The following PARP8 variants were observed in gnomAD, a reference collection of about 807,000 sequenced individuals.
PARP8 encodes protein mono-ADP-ribosyltransferase PARP8.
A neutral mutation model predicts 124.1 loss-of-function variants in PARP8; 51 were observed. The observed-to-expected ratio is 0.41, with a 90% CI of 0.33 to 0.52. The LOEUF (loss-of-function observed/expected upper bound fraction) is 0.52, where lower values mean the gene tolerates loss of function less well. Ranked by LOEUF, PARP8 falls within the 20% of genes least tolerant of loss-of-function variation. The pLI is 0.21. For synonymous variants in PARP8, 391 were observed against 361.5 expected, an observed-to-expected ratio of 1.08 and a Z score of -0.93; for missense variants, 860 against 1,018.9, an observed-to-expected ratio of 0.84 and a Z score of 2.12.
At chr5:50,766,320 A>C (rs529761996) in intron 7 of PARP8, among the ~76,000 whole-genome samples, 2 of 152,320 alleles carry the variant, frequency 1.3e-5, no homozygotes, top group African/African-American at 4.8e-5. Context: ...ATCAGTCTGA[A>C]TAAGTCTCAT....
At chr5:50,829,618 C>T (rs1157099183) in intron 21 of PARP8, among the ~76,000 whole-genome samples, 1 of 152,052 alleles carries the variant, frequency 6.6e-6, no homozygotes, top group African/African-American at 2.4e-5. Context: ...AATTTTAGAT[C>T]CATTAAAATA....
chr5:50,683,894 A>G (rs1579942713), intron 2 of PARP8, among the ~76,000 whole-genome samples: 1 of 152,194 alleles, frequency 6.6e-6, no homozygotes, highest in East Asian at 1.9e-4. Context: ...AGCCTCTAAT[A>G]TTCATATCTT....
intron 2 of PARP8, among the ~76,000 whole-genome samples, chr5:50,716,293 A>T (rs1755309932): frequency 6.6e-6 from 1 of 152,170 alleles, no homozygotes; most frequent in African/African-American, 2.4e-5. Context: ...TGATTATCAG[A>T]GAACAAAGTT....
intron 2 of PARP8, among the ~76,000 whole-genome samples, chr5:50,677,508 G>A (rs1394877806): frequency 1.3e-5 from 2 of 152,100 alleles, no homozygotes; most frequent in African/African-American, 4.8e-5. Context: ...ATCGTTATGG[G>A]AAAACCAGCC....
At chr5:50,828,236 G>T in intron 20 of PARP8, 76 bp from the exon 21 acceptor site, 1 of 1,429,198 alleles carries the variant, frequency 7.0e-7, no homozygotes, top group South Asian at 1.2e-5. Flanking sequence ...AAGGCACCAT[G>T]ACTTATTATG....
intron 2 of PARP8, among the ~76,000 whole-genome samples, chr5:50,736,210 G>T (rs1422959144): frequency 6.6e-6 from 1 of 152,068 alleles, no homozygotes; most frequent in Admixed American, 6.6e-5. Flanking sequence ...AGGGTAATTT[G>T]TGACACATTG....
chr5:50,723,710 T>G (rs1162712926), intron 2 of PARP8, among the ~76,000 whole-genome samples: 1 of 152,020 alleles, frequency 6.6e-6, no homozygotes, highest in African/African-American at 2.4e-5. Context: ...AAAGGAAACA[T>G]AAGAAAAAAG....
intron 2 of PARP8, among the ~76,000 whole-genome samples, chr5:50,684,754 T>G (rs1469584166): frequency 6.6e-6 from 1 of 152,196 alleles, no homozygotes; most frequent in Non-Finnish European, 1.5e-5. Context: ...ATGGCTACTC[T>G]GAAGTCAGGA....
intron 5 of PARP8, among the ~76,000 whole-genome samples, 193 bp downstream of exon 5, chr5:50,760,555 A>G: frequency 6.6e-6 from 1 of 152,182 alleles, no homozygotes; most frequent in East Asian, 1.9e-4. Context: ...AGTTCCCCTT[A>G]AAATCATAGA....
At chr5:50,754,146 T>TATACATATAC (rs1554055377) in intron 3 of PARP8, among the ~76,000 whole-genome samples, 9 of 21,406 alleles carry the variant, frequency 4.2e-4, no homozygotes, top group African/African-American at 1.2e-3. Context: ...TATATATATA[T>TATACATATAC]ATATACACAC....
At chr5:50,739,707 T>A (rs986941468) in intron 2 of PARP8, among the ~76,000 whole-genome samples, 1 of 100,124 alleles carries the variant, frequency 1.0e-5, no homozygotes, top group Non-Finnish European at 2.0e-5. Context: ...AATGGGTATA[T>A]ACATATATAT....
rs189440113 is a variant in PARP8 at position 50,729,670 on chromosome 5, C to A, written c.147-20481C>A. On this transcript the variant is annotated intron_variant, in intron 2 of 25. Transcript: ENST00000281631. Reference sequence around the variant, plus strand: ...TTTCTTTTCAGTTAGGTGTGAATATCTCCTCAGGCATCTTCCATCCATCTC... The same window carrying A: ...TTTCTTTTCAGTTAGGTGTGAATATATCCTCAGGCATCTTCCATCCATCTC... Among the ~76,000 whole-genome samples, 270 of 152,222 alleles carry A rather than the reference C, an allele frequency of 1.8e-3. 2 individuals carry two copies. Among genetic ancestry groups the A allele is most frequent in the African/African-American group, 6.3e-3 (261 of 41,530 alleles).
chr5:50,766,254 T>C (rs1580263161), intron 7 of PARP8, among the ~76,000 whole-genome samples: 1 of 152,220 alleles, frequency 6.6e-6, no homozygotes, highest in African/African-American at 2.4e-5. Flanking sequence ...ATAATTCTGA[T>C]TTATAGTCTT....
chr5:50,815,293 G>T (rs577925217), intron 14 of PARP8, 139 bp from the exon 15 acceptor site: 22 of 526,604 alleles, frequency 4.2e-5, no homozygotes, highest in Admixed American at 1.2e-4. Flanking sequence ...AATTTATTTC[G>T]TATTAAAATG....
At chr5:50,841,380 A>C (rs1748159041) in intron 25 of PARP8, among the ~76,000 whole-genome samples, 1 of 151,890 alleles carries the variant, frequency 6.6e-6, no homozygotes, top group Non-Finnish European at 1.5e-5. Context: ...TTCTACTGAT[A>C]AAGTAAACTT....
intron 2 of PARP8, among the ~76,000 whole-genome samples, chr5:50,747,163 GTTT>G (rs1211253892): frequency 4.2e-5 from 4 of 95,504 alleles, no homozygotes; most frequent in South Asian, 4.3e-4. Flanking sequence ...TGTTTGTTTT[GTTT>G]TTTTTTTTTT....
chr5:50,841,937 T>G (rs1373310605), intron 25 of PARP8, 29 bp from the exon 26 acceptor site: 2 of 1,468,774 alleles, frequency 1.4e-6, no homozygotes, highest in Non-Finnish European at 1.9e-6. Flanking sequence ...TTTTAAAATG[T>G]TTTTATATTT....
Position 50,825,054 on chromosome 5 carries a change from C to G in PARP8, c.1928+79C>G, listed in dbSNP as rs1746193287. ...GATTTAAGGAAAAAAACCAAACAAA[C>G]AAAAGTAAACCTGTCTTACAAGCCC... On this transcript the variant is annotated intron_variant, in intron 18 of 25. Transcript: ENST00000281631. 8 of 1,193,976 alleles carry G rather than the reference C, an allele frequency of 6.7e-6. No individual in the cohort carries two copies. The South Asian group carries it at 1.0e-4, about 15-fold the overall frequency. The allele number at this position is 1,193,976 out of a possible 1,614,324, so 74.0% of individuals were successfully genotyped here. A position where few individuals can be genotyped will look rare whatever the true frequency, so the allele number is the denominator to read the frequency against.
intron 2 of PARP8, among the ~76,000 whole-genome samples, chr5:50,711,496 C>A (rs527625859): frequency 6.6e-6 from 1 of 152,040 alleles, no homozygotes; most frequent in Non-Finnish European, 1.5e-5. Context: ...CTTTCATTTT[C>A]ATTTCTGGAT....
Sources: allele counts gnomAD v4.1 joint callset (sites outside exome capture counted in the v4.1 genomes callset), GRCh38; gene constraint gnomAD v4.1.1; transcripts MANE v1.5; gene names NCBI Gene and HGNC (gene_info 2026-07-23, HGNC 2026-07-21).